Variants in DCTN1 observed in about 807,000 individuals in gnomAD.
The protein encoded by DCTN1 is 150 kDa dynein-associated polypeptide.
A neutral mutation model predicts 161.2 loss-of-function variants in DCTN1; 61 were observed. The ratio of observed to expected loss-of-function variants is 0.38; its 90% CI spans 0.31 to 0.47. DCTN1 has a LOEUF of 0.47. Ranked by LOEUF, DCTN1 falls within the 20% of genes least tolerant of loss-of-function variation. DCTN1 has a pLI of 0.99. For missense variants in DCTN1, 1,404 were observed against 1,623.7 expected, an observed-to-expected ratio of 0.86 and a Z score of 2.33; for synonymous variants, 653 against 632.4, an observed-to-expected ratio of 1.03 and a Z score of -0.49.
chr2:74,391,861 G>GCCGGCC (rs1553468137), exon 1 of DCTN1: 3 of 453,202 alleles, frequency 6.6e-6, no homozygotes, highest in South Asian at 4.7e-5. Flanking sequence ...ACCCTGCGGG[G>GCCGGCC]CCGGCCCCGC....
chr2:74,366,652 C>T, intron 21 of DCTN1, 32 bp from the exon 22 acceptor site: 1 of 1,613,154 alleles, frequency 6.2e-7, no homozygotes, highest in Non-Finnish European at 8.5e-7. Context: ...GGAGTCAACC[C>T]TGGGTTCAGC....
In DCTN1 at chr2:74,362,699, T is replaced by G. The variant is rs1277530903; in HGVS notation, c.3560A>C (p.Glu1187Ala). Residue 1187 changes from glutamate (E) to alanine (A), a missense_variant, in exon 30 of 32, where the codon GAG becomes GCG. Coordinates refer to ENST00000628224, the MANE Select transcript of DCTN1 (RefSeq NM_004082.5). ...AAKSPSAQLMEQVAQLKSLSD... is the reference protein window; with the variant it reads ...AAKSPSAQLMAQVAQLKSLSD... Reference sequence around the variant, plus strand: ...CAGGGACTTAAGCTGAGCCACTTGCTCCATAAGTTGGGCCGACGGGCTCTT... The same window carrying G: ...CAGGGACTTAAGCTGAGCCACTTGCGCCATAAGTTGGGCCGACGGGCTCTT... The G allele has an allele frequency of 1.2e-6, 2 of 1,614,056 alleles. No homozygotes were observed. Among genetic ancestry groups the G allele is most frequent in the Admixed American group, 3.3e-5 (2 of 60,016 alleles).
In DCTN1 at chr2:74,377,469, G is replaced by A. The variant is rs1298080002; in HGVS notation, c.359-3C>T. 6.2e-7 allele frequency: 1 copy of A among 1,612,946 alleles called. No individual in the cohort carries two copies. The highest frequency in any genetic ancestry group is 1.3e-5 in the African/African-American group (1 of 74,840). ...CTTTGCAGTTGTATCAGTTCCCTCT[G>A]TAGAAAGCAAACAGAAACAAAGTGT... On this transcript the variant is annotated splice_polypyrimidine_tract_variant and splice_region_variant and intron_variant, in intron 3 of 31. Coordinates refer to ENST00000628224, the MANE Select transcript of DCTN1 (RefSeq NM_004082.5).
chr2:74,373,417 C>T lies in DCTN1; in HGVS notation c.433-469G>A, dbSNP rs1346747818. The T allele has an allele frequency of 5.7e-5, 13 of 227,142 alleles. No homozygotes were observed. In the Admixed American group the frequency reaches 6.5e-4, roughly 11 times the overall value. 14.1% of individuals were successfully genotyped at this position (227,142 alleles called of 1,614,324 possible). On this transcript the variant is annotated intron_variant, in intron 6 of 31. Transcript: ENST00000628224. ...GACTCTACACAGAACTCCCTAGAAA[C>T]CCCATGTGACGAGCGTAATCTAAGC...
intron 1 of DCTN1, among the ~76,000 whole-genome samples, chr2:74,388,197 A>AAAAAC (rs56908271): frequency 2.3e-4 from 35 of 150,668 alleles, no homozygotes; most frequent in African/African-American, 6.7e-4. Context: ...ACTGTATCTC[A>AAAAAC]AAAACAAAAC....
Position 74,367,358 on chromosome 2 carries a change from G to A in DCTN1, c.2247C>T (p.His749=). The change falls in exon 19 of 32, where the codon CAC becomes CAT. Residue 749 remains histidine, a synonymous_variant. Coordinates refer to ENST00000628224, the MANE Select transcript of DCTN1 (RefSeq NM_004082.5). ...PEDCTMQLAD[H]IKFTQSALDC... is the part of the protein sequence containing the mutation. ...ACTGGCCCAGATACTTCACCTTAATGTGGTCAGCCAGCTGCATAGTACAGT... is the reference window on the plus strand; with the variant it reads ...ACTGGCCCAGATACTTCACCTTAATATGGTCAGCCAGCTGCATAGTACAGT... The A allele has an allele frequency of 5.0e-6, 8 of 1,614,130 alleles. No homozygotes were observed. Among genetic ancestry groups the A allele is most frequent in the Non-Finnish European group, 6.8e-6 (8 of 1,180,026 alleles).
At chr2:74,377,797 G>A (rs373237020) in intron 2 of DCTN1, 71 bp from the exon 3 acceptor site, 2 of 1,516,058 alleles carry the variant, frequency 1.3e-6, no homozygotes, top group African/African-American at 2.7e-5. Flanking sequence ...TGTAATATGG[G>A]CCCCTCCCCA....
upstream of DCTN1, among the ~76,000 whole-genome samples, chr2:74,381,587 C>T (rs1411265047): frequency 6.6e-6 from 1 of 152,186 alleles, no homozygotes; most frequent in East Asian, 1.9e-4. Context: ...TCCTTGCAGC[C>T]TGGACCTCAC....
chr2:74,371,718 G>A lies in DCTN1; in HGVS notation c.464C>T (p.Pro155Leu), dbSNP rs1466144774. The part of the protein sequence containing the change: ...TTTRRPKPTR[P>L]ASTGVAGASS... ...GGCCCCAGCCACCCCAGTACTGGCT[G>A]GGCGCGTGGGCTATTCAGAAAGGGT... The change falls in exon 8 of 32, where the codon CCA becomes CTA. Residue 155 changes from proline to leucine, a missense_variant. Around this residue, in one of 9 missense-constraint regions of DCTN1, gnomAD observed 174 missense variants for 175.6 expected, o/e 0.99. Transcript: ENST00000628224. The A allele has an allele frequency of 6.2e-7, 1 of 1,608,096 alleles. No homozygotes were observed. Among genetic ancestry groups the A allele is most frequent in the Admixed American group, 1.7e-5 (1 of 59,116 alleles).
upstream of DCTN1, chr2:74,384,885 G>C (rs1297858267): frequency 1.3e-5 from 2 of 152,202 alleles, no homozygotes; most frequent in African/African-American, 2.4e-5. Context: ...TAGTAAGGAA[G>C]AGATAAACGT....
intron 26 of DCTN1, 54 bp from the exon 27 acceptor site, chr2:74,363,682 T>C: frequency 6.2e-7 from 1 of 1,610,350 alleles, no homozygotes; most frequent in Non-Finnish European, 8.5e-7. Context: ...AGGAGTTAGG[T>C]GATTTGGGGG....
rs756362040 is a variant in DCTN1 at position 74,361,248 on chromosome 2, A to C, written c.*251T>G. On this transcript the variant is annotated 3_prime_UTR_variant, in exon 32 of 32. Transcript: ENST00000628224. ...GTGGTGGGGTCTCAGCCTACCCCCCACAAGCCCTGAGGCCCCTCAGGAAGG... is the reference window on the plus strand; with the variant it reads ...GTGGTGGGGTCTCAGCCTACCCCCCCCAAGCCCTGAGGCCCCTCAGGAAGG... The C allele has an allele frequency of 1.4e-4, 90 of 643,702 alleles. No homozygotes were observed. The highest frequency in any genetic ancestry group is 2.7e-4 in the South Asian group (18 of 66,130). The allele number at this position is 643,702 out of a possible 1,614,324, so 39.9% of individuals were successfully genotyped here. A position where few individuals can be genotyped will look rare whatever the true frequency, so the allele number is the denominator to read the frequency against.
rs1233264368 is a variant in DCTN1, at chr2:74,361,246, C to A, written c.*253G>T. On this transcript the variant is annotated 3_prime_UTR_variant, in exon 32 of 32. Coordinates refer to ENST00000628224, the MANE Select transcript of DCTN1 (RefSeq NM_004082.5). ...TGGTGGTGGGGTCTCAGCCTACCCC[C>A]CACAAGCCCTGAGGCCCCTCAGGAA... The A allele has an allele frequency of 4.7e-6, 3 of 641,126 alleles. No homozygotes were observed. Among genetic ancestry groups the A allele is most frequent in the Non-Finnish European group, 8.6e-6 (3 of 349,374 alleles). 39.7% of individuals were successfully genotyped at this position (641,126 alleles called of 1,614,324 possible).
chr2:74,391,777 G>T lies in DCTN1; in HGVS notation c.-19+17C>A, dbSNP rs117496795. The T allele has an allele frequency of 7.7e-4, 348 of 453,642 alleles. 2 individuals are homozygous for T. The East Asian group carries it at 0.018, about 24-fold the overall frequency. The allele number at this position is 453,642 out of a possible 1,614,324, so 28.1% of individuals were successfully genotyped here. The stretch of plus-strand genomic sequence containing the variant: ...GGGCCGGCGGAGCAGACGGTTGGCA[G>T]AGTCGCGCCTCCGTACCTGCACTGT... On this transcript the variant is annotated intron_variant, in intron 1 of 27. Transcript: ENST00000409240.
Position 74,389,182 on chromosome 2 carries a change from T to A in DCTN1, c.-19+2612A>T, listed in dbSNP as rs115725258. Among the ~76,000 whole-genome samples, 253 of 152,236 alleles carry A rather than the reference T, an allele frequency of 1.7e-3. 2 individuals are homozygous for A. The highest frequency in any genetic ancestry group is 5.8e-3 in the African/African-American group (241 of 41,552). On this transcript the variant is annotated intron_variant, in intron 1 of 27. Transcript: ENST00000409240. ...CCTTGGGGAGGCCAGACTAAATAGCTAACCTGTCCCTTGATCACATTCAAC... is the reference window on the plus strand; with the variant it reads ...CCTTGGGGAGGCCAGACTAAATAGCAAACCTGTCCCTTGATCACATTCAAC...
intron 16 of DCTN1, 79 bp downstream of exon 16, chr2:74,368,649 T>C (rs1333205403): frequency 6.2e-7 from 1 of 1,600,180 alleles, no homozygotes; most frequent in Non-Finnish European, 8.6e-7. Flanking sequence ...GACTCTGTTG[T>C]CTTCACTCAG....
chr2:74,372,203 T>A (rs1218517204), intron 7 of DCTN1, among the ~76,000 whole-genome samples: 3 of 152,140 alleles, frequency 2.0e-5, no homozygotes. Flanking sequence ...CCACAGAAGG[T>A]TGGGCCAAAA....
In DCTN1 at chr2:74,370,865, A is replaced by G. The variant is rs1367796160; in HGVS notation, c.844-40T>C. 5.6e-6 allele frequency: 9 copies of G among 1,613,526 alleles called. No individual in the cohort carries two copies. Among genetic ancestry groups the G allele is most frequent in the Non-Finnish European group, 7.6e-6 (9 of 1,179,668 alleles). On this transcript the variant is annotated intron_variant, in intron 9 of 31. Coordinates refer to ENST00000628224, the MANE Select transcript of DCTN1 (RefSeq NM_004082.5). This position sits in a 1 kb window ranked among gnomAD's most constrained non-coding sequence, Gnocchi z 4.4. ...GAGGTGGGAGGGGGTACCAGCACAG[A>G]GATGCCCCAGGCCTTTCTCACAGTA...
intron 1 of DCTN1, among the ~76,000 whole-genome samples, chr2:74,389,503 A>G (rs1041531383): frequency 3.3e-5 from 5 of 152,168 alleles, no homozygotes; most frequent in African/African-American, 9.7e-5. Flanking sequence ...TAAAACCTAG[A>G]GTGGCAGTTC....
Sources: gnomAD v4.1 joint callset for allele counts (sites outside exome capture counted in the v4.1 genomes callset) on GRCh38, gnomAD v4.1.1 for gene constraint, gnomAD v4.1.1 regional missense constraint, Gnocchi (gnomAD v3.1) non-coding constraint, MANE v1.5 for transcripts, NCBI Gene and HGNC (gene_info 2026-07-23, HGNC 2026-07-21) for gene names.